Variants in DAB1 observed in about 807,000 individuals in gnomAD.
The protein encoded by DAB1 is disabled homolog 1.
In DAB1, 15 loss-of-function variants were observed where a neutral mutation model predicts 64.6. The ratio of observed to expected loss-of-function variants is 0.23; its 90% CI spans 0.16 to 0.36. The LOEUF is 0.36. Among genes scored for constraint, DAB1 ranks in the 10% least tolerant of loss-of-function variants. The pLI is 1.00. For synonymous variants in DAB1, 235 were observed against 251.9 expected (o/e 0.93, Z 0.64); for missense variants, 596 against 706.7 (o/e 0.84, Z 1.78).
At chr1:58,123,851 A>C (rs573479692) in intron 5 of DAB1, among the ~76,000 whole-genome samples, 28 of 152,234 alleles carry the variant, frequency 1.8e-4, no homozygotes, top group African/African-American at 6.5e-4. Flanking sequence ...CATTTATAAG[A>C]CTCAGGCTTT....
chr1:57,538,087 A>T (rs1275342155), intron 7 of DAB1, among the ~76,000 whole-genome samples: 1 of 152,152 alleles, frequency 6.6e-6, no homozygotes, highest in Non-Finnish European at 1.5e-5. Flanking sequence ...CACCTGCAAC[A>T]CTGGGATCAA....
intron 1 of DAB1, among the ~76,000 whole-genome samples, chr1:57,832,103 A>G (rs577452919): frequency 1.4e-3 from 206 of 152,342 alleles, no homozygotes; most frequent in African/African-American, 4.7e-3. Flanking sequence ...ATATCCATGC[A>G]TATGTATATA....
chr1:58,348,049 G>GGTA (rs960284824), intron 3 of DAB1, among the ~76,000 whole-genome samples: 2 of 152,160 alleles, frequency 1.3e-5, no homozygotes, highest in Admixed American at 1.3e-4. Flanking sequence ...CTCTGGAAGA[G>GGTA]GTAGTGGCTT....
intron 4 of DAB1, among the ~76,000 whole-genome samples, chr1:58,300,544 A>AAAAGAAAGAAAGAAAGAAAG (rs71043285): frequency 4.9e-5 from 5 of 101,184 alleles, no homozygotes; most frequent in African/African-American, 2.1e-4. Flanking sequence ...TGAAACTCTG[A>AAAAGAAAGAAAGAAAGAAAG]AAAGAAAGAA....
intron 4 of DAB1, among the ~76,000 whole-genome samples, chr1:58,225,225 T>A (rs1464725199): frequency 6.6e-6 from 1 of 151,850 alleles, no homozygotes; most frequent in African/African-American, 2.4e-5. Context: ...TCATCATCAC[T>A]GGCCATCAGA....
In DAB1 at chr1:57,376,969, T is replaced by C. The variant is rs183053289; in HGVS notation, c.-137+46961A>G. Among the ~76,000 whole-genome samples, 18 of 152,042 alleles carry C rather than the reference T, an allele frequency of 1.2e-4. No homozygotes were observed. In the East Asian group the frequency reaches 3.5e-3, roughly 29 times the overall value. On this transcript the variant is annotated intron_variant, in intron 1 of 14. Coordinates refer to ENST00000371236, the MANE Select transcript of DAB1 (RefSeq NM_001365792.1). ...CTGATGACAGAATCTGGCAGAAAAA[T>C]TTAAAAGGCCGGCCACTGTCCAGGT...
chr1:57,970,876 C>G (rs77258168), intron 5 of DAB1, among the ~76,000 whole-genome samples: 1 of 150,764 alleles, frequency 6.6e-6, no homozygotes, highest in South Asian at 2.1e-4. Flanking sequence ...CTATGAGAGA[C>G]AAAAAAAAAC....
intron 2 of DAB1, among the ~76,000 whole-genome samples, chr1:57,285,755 T>C (rs995002269): frequency 3.3e-5 from 5 of 152,186 alleles, no homozygotes; most frequent in African/African-American, 1.2e-4. Flanking sequence ...GTCAGTGCTC[T>C]TTCCACTACA....
At position 57,815,328 on chromosome 1, in the gene DAB1, A is replaced by G. The variant is rs567909985; in HGVS notation, n.551+68671T>C. On this transcript the variant is annotated intron_variant and non_coding_transcript_variant, in intron 6 of 20. Coordinates refer to the DAB1 transcript ENST00000485760. ...CGTGATCTGCCCGCCTCAGCCTCCCAAAGTGCTGGGATTACAGGCATGAGA... is the reference window on the plus strand; with the variant it reads ...CGTGATCTGCCCGCCTCAGCCTCCCGAAGTGCTGGGATTACAGGCATGAGA... Among the ~76,000 whole-genome samples the G allele has an allele frequency of 2.8e-4, 43 of 152,204 alleles. 1 individual carries two copies. The highest frequency in any genetic ancestry group is 1.0e-3 in the African/African-American group (42 of 41,528).
chr1:57,995,846 C>A (rs2100388979), intron 5 of DAB1, among the ~76,000 whole-genome samples: 1 of 151,848 alleles, frequency 6.6e-6, no homozygotes, highest in East Asian at 1.9e-4. Context: ...GGTACAGAAG[C>A]CCCACAGACC....
rs540027546 is a variant in DAB1 at position 58,492,593 on chromosome 1, G to A, written n.257+13467C>T. Among the ~76,000 whole-genome samples the A allele has an allele frequency of 7.9e-5, 12 of 152,146 alleles. No homozygotes were observed. In the East Asian group the frequency reaches 1.3e-3, roughly 17 times the overall value. ...AAATGATAAAGGGGATATCACCACC[G>A]ATCCCACAGAAATACAAACTACCAT... On this transcript the variant is annotated intron_variant and non_coding_transcript_variant, in intron 3 of 20. Coordinates refer to the DAB1 transcript ENST00000485760.
chr1:57,848,267 C>T (rs60128068), intron 1 of DAB1, among the ~76,000 whole-genome samples: 2,000 of 152,314 alleles, frequency 0.013, 47 homozygotes, highest in African/African-American at 0.046. Context: ...TGAATCTAGA[C>T]ACTAATGATA....
At chr1:57,819,028 A>G (rs562380929) in intron 6 of DAB1, among the ~76,000 whole-genome samples, 1 of 152,290 alleles carries the variant, frequency 6.6e-6, no homozygotes, top group South Asian at 2.1e-4. Context: ...TAGTTACTAT[A>G]TTCTCTTACC....
At chr1:58,416,385 A>C in intron 3 of DAB1, among the ~76,000 whole-genome samples, 1 of 152,174 alleles carries the variant, frequency 6.6e-6, no homozygotes, top group Middle Eastern at 3.2e-3. Context: ...GATGATGGTG[A>C]TAGCAAGAGT....
rs1166661430 is a variant in DAB1 at position 58,026,774 on chromosome 1, T to C, written n.387+123737A>G. 2.0e-5 allele frequency among the ~76,000 whole-genome samples: 3 copies of C among 152,340 alleles called. No homozygotes were observed. The East Asian group carries it at 5.8e-4, about 29-fold the overall frequency. Reference sequence around the variant, plus strand: ...CAGTCCCTTAAGGAATATAGATCCATGGGAGATTTGTGTATATGCTCTGTT... The same window carrying C: ...CAGTCCCTTAAGGAATATAGATCCACGGGAGATTTGTGTATATGCTCTGTT... On this transcript the variant is annotated intron_variant and non_coding_transcript_variant, in intron 5 of 20. Coordinates refer to the DAB1 transcript ENST00000485760.
At chr1:57,641,366 C>G (rs1260817850) in intron 7 of DAB1, among the ~76,000 whole-genome samples, 1 of 115,414 alleles carries the variant, frequency 8.7e-6, no homozygotes. Context: ...CCAGTTCCCT[C>G]TTTTTTTTGT....
At chr1:57,338,243 C>T (rs1269490771) in intron 1 of DAB1, among the ~76,000 whole-genome samples, 1 of 152,086 alleles carries the variant, frequency 6.6e-6, no homozygotes, top group Non-Finnish European at 1.5e-5. Flanking sequence ...CCTCACCCAC[C>T]CAAAGTGCTG....
chr1:57,214,958 C>T (rs1395010154), intron 2 of DAB1, among the ~76,000 whole-genome samples: 2 of 118,588 alleles, frequency 1.7e-5, no homozygotes, highest in East Asian at 4.6e-4. Flanking sequence ...AAAAACAAAA[C>T]AAAACAAAAC....
chr1:57,274,363 T>C (rs1357667875), intron 2 of DAB1, among the ~76,000 whole-genome samples: 1 of 152,208 alleles, frequency 6.6e-6, no homozygotes, highest in Non-Finnish European at 1.5e-5. Context: ...TGTTCAGCTG[T>C]GGGCCCTGAG....
Sources: allele counts gnomAD v4.1 joint callset (sites outside exome capture counted in the v4.1 genomes callset), GRCh38; gene constraint gnomAD v4.1.1; transcripts MANE v1.5; gene names NCBI Gene and HGNC (gene_info 2026-07-23, HGNC 2026-07-21).